Variants in DDX1 observed in about 807,000 individuals in gnomAD.
The protein encoded by DDX1 is DEAD-box helicase 1.
DDX1 carries 28 observed loss-of-function variants against 108.7 expected under a neutral mutation model. The ratio of observed to expected loss-of-function variants is 0.26; its 90% CI spans 0.19 to 0.35. DDX1 has a LOEUF of 0.35. DDX1 is among the 10% of genes least tolerant of loss of function. DDX1 has a pLI of 1.00. For synonymous variants in DDX1, 295 were observed against 288.9 expected (o/e 1.02, Z -0.21); for missense variants, 710 against 884.5 (o/e 0.80, Z 2.50).
intron 1 of DDX1, among the ~76,000 whole-genome samples, 155 bp downstream of exon 1, chr2:15,592,104 G>T (rs568316069): frequency 6.6e-6 from 1 of 152,378 alleles, no homozygotes; most frequent in South Asian, 2.1e-4. Flanking sequence ...CGCGTTGCGG[G>T]ATCAGGGGCG....
At chr2:15,592,671 C>G (rs1665434796) in intron 1 of DDX1, among the ~76,000 whole-genome samples, 1 of 152,074 alleles carries the variant, frequency 6.6e-6, no homozygotes, top group African/African-American at 2.4e-5. Context: ...TTATCATCCT[C>G]CTGTTAGGCA....
At chr2:15,604,179 C>T (rs1343733539) in intron 9 of DDX1, among the ~76,000 whole-genome samples, 5 of 152,086 alleles carry the variant, frequency 3.3e-5, no homozygotes, top group Non-Finnish European at 1.5e-5. Context: ...ATGTTATTCT[C>T]ATTTCTTATT....
chr2:15,598,151 T>C (rs1415013452), intron 5 of DDX1, among the ~76,000 whole-genome samples: 1 of 152,182 alleles, frequency 6.6e-6, no homozygotes, highest in African/African-American at 2.4e-5. Context: ...GTCACTCTTG[T>C]TTCATTATAC....
At position 15,623,532 on chromosome 2, in the gene DDX1, C is replaced by G; in HGVS notation, c.1544C>G (p.Thr515Ser). Residue 515 changes from threonine (T) to serine (S), a missense_variant, in exon 19 of 26, where the codon ACC (threonine) becomes AGC (serine). This residue lies in a region of DDX1 where 661 missense variants were observed against 810.2 expected (regional missense o/e 0.82). Coordinates refer to ENST00000233084, the MANE Select transcript of DDX1 (RefSeq NM_004939.3). ...GATCAAGCAATTATCTTCTGTAGAA[C>G]CAAAATTGACTGTGATAACTTGGAG... is the stretch of plus-strand genomic sequence containing the variant. Reference protein sequence around the residue: ...KMDQAIIFCRTKIDCDNLEQY... With the variant: ...KMDQAIIFCRSKIDCDNLEQY... The G allele has an allele frequency of 6.2e-7, 1 of 1,613,458 alleles. No individual in the cohort carries two copies. The highest frequency in any genetic ancestry group is 8.5e-7 in the Non-Finnish European group (1 of 1,179,580).
At chr2:15,604,267 G>T (rs1665630605) in intron 9 of DDX1, among the ~76,000 whole-genome samples, 170 bp from the exon 10 acceptor site, 1 of 152,148 alleles carries the variant, frequency 6.6e-6, no homozygotes, top group Non-Finnish European at 1.5e-5. Flanking sequence ...TAAATATGTT[G>T]ATTCTAACAA....
chr2:15,611,402 C>T (rs970490952), intron 13 of DDX1, among the ~76,000 whole-genome samples: 18 of 150,814 alleles, frequency 1.2e-4, no homozygotes, highest in African/African-American at 3.4e-4. Context: ...CTGCCGGGCA[C>T]ACCTCCCAGA....
intron 13 of DDX1, among the ~76,000 whole-genome samples, chr2:15,612,203 T>C (rs1326433113): frequency 6.6e-6 from 1 of 150,682 alleles, no homozygotes; most frequent in African/African-American, 2.4e-5. Flanking sequence ...CCCACCTCCT[T>C]CCTGGACGGG....
At chr2:15,599,769 A>G (rs1665558913) in intron 6 of DDX1, 53 bp downstream of exon 6, 2 of 1,278,558 alleles carry the variant, frequency 1.6e-6, no homozygotes, top group Non-Finnish European at 1.1e-6. Flanking sequence ...ACTTTAAAAA[A>G]TAATACATGA....
At chr2:15,621,006 T>C (rs1573049278) in intron 17 of DDX1, 59 bp from the exon 18 acceptor site, 1 of 1,042,514 alleles carries the variant, frequency 9.6e-7, no homozygotes, top group East Asian at 2.4e-5. Flanking sequence ...ACATGACATA[T>C]ATTCTGAATC....
At chr2:15,627,208 C>A in intron 20 of DDX1, 63 bp downstream of exon 20, 1 of 936,688 alleles carries the variant, frequency 1.1e-6, no homozygotes, top group Non-Finnish European at 1.6e-6. Context: ...TAGTTTTAAG[C>A]AGTTTTAATT....
At chr2:15,603,422 T>G in intron 8 of DDX1, 147 bp downstream of exon 8, 1 of 642,288 alleles carries the variant, frequency 1.6e-6, no homozygotes, top group African/African-American at 1.8e-5. Flanking sequence ...CCCACCCTGT[T>G]CCAAAAAGGA....
At chr2:15,618,376 T>C in intron 16 of DDX1, 106 bp downstream of exon 16, 1 of 651,842 alleles carries the variant, frequency 1.5e-6, no homozygotes, top group Admixed American at 2.1e-5. Context: ...CCTCTGCGGC[T>C]AGTGATGCCC....
chr2:15,608,944 A>G (rs926643383), intron 13 of DDX1, among the ~76,000 whole-genome samples: 13 of 148,730 alleles, frequency 8.7e-5, no homozygotes, highest in African/African-American at 3.3e-4. Context: ...AGATTGATGC[A>G]TGTTCCTTAT....
intron 18 of DDX1, among the ~76,000 whole-genome samples, chr2:15,621,538 T>G (rs1666007542): frequency 6.6e-6 from 1 of 151,798 alleles, no homozygotes; most frequent in African/African-American, 2.4e-5. Flanking sequence ...ACTCCTGACC[T>G]CAGGTGATCC....
chr2:15,627,040 G>A lies in DDX1; in HGVS notation c.1595-14G>A, dbSNP rs1025780352. On this transcript the variant is annotated splice_polypyrimidine_tract_variant and intron_variant, in intron 19 of 25. Transcript: ENST00000233084. ...GATTTTCCAAGGTTAAATGCTTAAT[G>A]TGCTTTTCACTAGGACCTGATAAAA... is the stretch of plus-strand genomic sequence containing the variant. 6.4e-7 allele frequency: 1 copy of A among 1,571,008 alleles called. No homozygotes were observed. Among genetic ancestry groups the A allele is most frequent in the Non-Finnish European group, 8.7e-7 (1 of 1,147,996 alleles).
intron 10 of DDX1, among the ~76,000 whole-genome samples, chr2:15,605,227 TG>T (rs1313832154): frequency 2.0e-5 from 3 of 151,896 alleles, no homozygotes; most frequent in Non-Finnish European, 2.9e-5. Flanking sequence ...GGGGTGAGAT[TG>T]CCTAGGGATT....
At chr2:15,607,031 G>C in intron 12 of DDX1, 144 bp from the exon 13 acceptor site, 1 of 825,052 alleles carries the variant, frequency 1.2e-6, no homozygotes, top group South Asian at 2.0e-5. Context: ...AGAAATCTAA[G>C]GTTTATTCTG....
rs140834826 is a variant in DDX1, at chr2:15,606,210, T to G, written c.763T>G (p.Phe255Val). 155 of 1,614,174 alleles carry G rather than the reference T, an allele frequency of 9.6e-5. No individual in the cohort carries two copies. The South Asian group carries it at 1.6e-3, about 17-fold the overall frequency. ...ATTTAAGTTTCCACCAAAAGATGGC[T>G]TTGTTGCTCTTTCCAAGGCACCGGA... Reference protein sequence around the residue: ...EEFKFPPKDGFVALSKAPDGY... With the variant: ...EEFKFPPKDGVVALSKAPDGY... Residue 255 changes from phenylalanine (F) to valine (V), a missense_variant, in exon 12 of 26, where the codon TTT becomes GTT. Phe to Val is a conservative substitution (Grantham distance 50, BLOSUM62 -1). Coordinates refer to ENST00000233084, the MANE Select transcript of DDX1 (RefSeq NM_004939.3).
At chr2:15,613,166 A>G (rs1329592880) in intron 13 of DDX1, 58 bp from the exon 14 acceptor site, 1 of 1,199,254 alleles carries the variant, frequency 8.3e-7, no homozygotes, top group African/African-American at 1.6e-5. Flanking sequence ...AGATCAAACA[A>G]TGTAAAGCAG....
Sources: allele counts gnomAD v4.1 joint callset (sites outside exome capture counted in the v4.1 genomes callset), GRCh38; gene constraint gnomAD v4.1.1; regional missense constraint gnomAD v4.1.1; transcripts MANE v1.5; gene names NCBI Gene and HGNC (gene_info 2026-07-23, HGNC 2026-07-21).